The following PHACTR3 variants were observed in gnomAD, a reference collection of about 807,000 sequenced individuals.
The protein encoded by PHACTR3 is phosphatase and actin regulator 3, also known as protein phosphatase 1, regulatory subunit 123.
In PHACTR3, 16 loss-of-function variants were observed where a neutral mutation model predicts 66.8. The observed-to-expected ratio is 0.24, with a 90% CI of 0.16 to 0.36. PHACTR3 has a LOEUF of 0.36. Ranked by LOEUF, PHACTR3 falls within the 10% of genes least tolerant of loss-of-function variation. The probability of loss-of-function intolerance (pLI) is 1.00; values close to 1 mark genes in which losing one functional copy is unlikely to be tolerated. For missense variants in PHACTR3, 647 were observed against 719.9 expected (o/e 0.90, Z 1.16); for synonymous variants, 323 against 292.1 (o/e 1.11, Z -1.08).
chr20:59,773,285 C>T lies in PHACTR3; in HGVS notation c.758C>T (p.Ala253Val). ...SKTTKNVTGQ[A>V]TLFQASSMKS... Reference sequence around the variant, plus strand: ...GCTTCCTCCCACACCCCAGGCCAAGCCACACTCTTCCAAGCCTCCAGCATG... The same window carrying T: ...GCTTCCTCCCACACCCCAGGCCAAGTCACACTCTTCCAAGCCTCCAGCATG... Residue 253 changes from alanine to valine, a missense_variant, in exon 6 of 13, where the codon GCC (alanine) becomes GTC (valine). Physicochemically the swap from Ala to Val is moderately conservative, Grantham distance 64 (BLOSUM62 0). This residue lies in a region of PHACTR3 where 577 missense variants were observed against 571.1 expected (regional missense o/e 1.01). Transcript: ENST00000371015. 1 of 1,613,644 alleles carries T rather than the reference C, an allele frequency of 6.2e-7. No individual in the cohort carries two copies. The highest frequency in any genetic ancestry group is 8.5e-7 in the Non-Finnish European group (1 of 1,179,738).
intron 1 of PHACTR3, among the ~76,000 whole-genome samples, chr20:59,668,308 A>G (rs1242292947): frequency 3.6e-4 from 51 of 142,450 alleles, no homozygotes; most frequent in African/African-American, 1.2e-3. Flanking sequence ...AGGTGGACAT[A>G]TACGCCTGTA....
In PHACTR3 at chr20:59,755,309, G is replaced by A. The variant is rs140524778; in HGVS notation, c.486G>A (p.Thr162=). 66 of 1,612,924 alleles carry A rather than the reference G, an allele frequency of 4.1e-5. No individual in the cohort carries two copies. Among genetic ancestry groups the A allele is most frequent in the Middle Eastern group, 3.3e-4 (2 of 6,062 alleles). ...AQPGSPLATG[T]DQVSLDKPLS... ...CCGGAAGCCCCTTGGCCACTGGGAC[G>A]GACCAGGTCTCCCTGGACAAGCCAC... The change falls in exon 4 of 13, where the codon ACG becomes ACA. Residue 162 remains threonine, a synonymous_variant. Transcript: ENST00000371015.
At chr20:59,648,066 G>T (rs2035342536) in intron 1 of PHACTR3, among the ~76,000 whole-genome samples, 1 of 152,178 alleles carries the variant, frequency 6.6e-6, no homozygotes, top group African/African-American at 2.4e-5. Flanking sequence ...GGCTTTAGTT[G>T]CTGTTGAGAA....
intron 8 of PHACTR3, among the ~76,000 whole-genome samples, chr20:59,831,167 G>A (rs1189871871): frequency 1.3e-5 from 2 of 152,156 alleles, no homozygotes; most frequent in East Asian, 1.9e-4. Flanking sequence ...TTTGGCTGGT[G>A]CCCCCTTGGC....
At chr20:59,680,413 A>G (rs1294197678) in intron 1 of PHACTR3, among the ~76,000 whole-genome samples, 3 of 152,168 alleles carry the variant, frequency 2.0e-5, no homozygotes, top group Non-Finnish European at 2.9e-5. Context: ...GGCAGGCTGG[A>G]CAACATATCC....
At chr20:59,663,136 G>GCATGTCTCTGCACATCCTCTC (rs1296123225) in intron 1 of PHACTR3, among the ~76,000 whole-genome samples, 4 of 152,236 alleles carry the variant, frequency 2.6e-5, no homozygotes, top group Non-Finnish European at 5.9e-5. Context: ...CCTTTACTGT[G>GCATGTCTCTGCACATCCTCTC]CATGTCTCTG....
chr20:59,623,651 A>C (rs1268620762), intron 1 of PHACTR3, among the ~76,000 whole-genome samples: 1 of 152,126 alleles, frequency 6.6e-6, no homozygotes, highest in African/African-American at 2.4e-5. Context: ...ATGAAGTTTG[A>C]AGGATACGTG....
intron 1 of PHACTR3, among the ~76,000 whole-genome samples, chr20:59,656,137 T>C (rs2035612366): frequency 6.6e-6 from 1 of 151,930 alleles, no homozygotes; most frequent in Admixed American, 6.6e-5. Flanking sequence ...TAAAGTGTTC[T>C]ATAGATGTCT....
At chr20:59,821,729 G>C (rs2042031815) in intron 8 of PHACTR3, among the ~76,000 whole-genome samples, 2 of 152,140 alleles carry the variant, frequency 1.3e-5, no homozygotes, top group African/African-American at 4.8e-5. Context: ...TGTCTGTTAG[G>C]TAGCAATGAT....
In PHACTR3 at chr20:59,634,881, A is replaced by G. The variant is rs368143662; in HGVS notation, c.118+29749A>G. ...AATTTTTAAATTTTACTTAGCTGTA[A>G]TTGATTTAAATTTAAATAGCCACCT... On this transcript the variant is annotated intron_variant, in intron 1 of 12. Transcript: ENST00000371015. Among the ~76,000 whole-genome samples, 37 of 152,298 alleles carry G rather than the reference A, an allele frequency of 2.4e-4. No individual in the cohort carries two copies. The South Asian group carries it at 7.7e-3, about 32-fold the overall frequency.
intron 1 of PHACTR3, among the ~76,000 whole-genome samples, chr20:59,646,292 G>T (rs1169107836): frequency 1.3e-5 from 2 of 152,176 alleles, no homozygotes; most frequent in Non-Finnish European, 1.5e-5. Flanking sequence ...TAGCTATTCA[G>T]CAAGGGCTGT....
intron 1 of PHACTR3, among the ~76,000 whole-genome samples, chr20:59,698,576 TA>T (rs2037384671): frequency 6.6e-6 from 1 of 152,226 alleles, no homozygotes; most frequent in African/African-American, 2.4e-5. Flanking sequence ...TAGGTTTTCT[TA>T]ATGTTACTCA....
At chr20:59,622,226 C>T (rs2034269290) in intron 1 of PHACTR3, among the ~76,000 whole-genome samples, 2 of 151,724 alleles carry the variant, frequency 1.3e-5, no homozygotes, top group African/African-American at 4.8e-5. Flanking sequence ...CATGGTGCAT[C>T]CCTCCTGCAG....
intron 1 of PHACTR3, among the ~76,000 whole-genome samples, chr20:59,664,912 G>C (rs1292563538): frequency 6.6e-6 from 1 of 152,138 alleles, no homozygotes; most frequent in African/African-American, 2.4e-5. Context: ...TTGCGGGCTG[G>C]GTGCAGGATT....
intron 1 of PHACTR3, among the ~76,000 whole-genome samples, chr20:59,648,302 G>A (rs2035352232): frequency 6.7e-6 from 1 of 149,524 alleles, no homozygotes; most frequent in Admixed American, 6.7e-5. Flanking sequence ...GGAAGGAGGT[G>A]AGTTTCTCTT....
intron 8 of PHACTR3, among the ~76,000 whole-genome samples, chr20:59,808,911 C>T (rs952762750): frequency 6.6e-6 from 1 of 152,150 alleles, no homozygotes; most frequent in Non-Finnish European, 1.5e-5. Context: ...CAGCATTCCT[C>T]CCGCCTTCCA....
At chr20:59,845,430 C>T (rs2059130468) in intron 12 of PHACTR3, among the ~76,000 whole-genome samples, 165 bp downstream of exon 12, 1 of 152,140 alleles carries the variant, frequency 6.6e-6, no homozygotes, top group African/African-American at 2.4e-5. Context: ...GCTGCCTGCT[C>T]CCATTATTTC....
At chr20:59,676,833 T>G in intron 1 of PHACTR3, 2 of 736,622 alleles carry the variant, frequency 2.7e-6, no homozygotes, top group Middle Eastern at 7.0e-4. Flanking sequence ...GCAGGCTTCT[T>G]AAAGGCAAAG....
At chr20:59,836,944 T>C (rs1308609341) in intron 9 of PHACTR3, among the ~76,000 whole-genome samples, 4 of 152,078 alleles carry the variant, frequency 2.6e-5, no homozygotes, top group African/African-American at 9.7e-5. Flanking sequence ...CCTGTTACAC[T>C]TGGGAGGAAT....
Sources: gnomAD v4.1 joint callset for allele counts (sites outside exome capture counted in the v4.1 genomes callset) on GRCh38, gnomAD v4.1.1 for gene constraint, gnomAD v4.1.1 regional missense constraint, MANE v1.5 for transcripts, NCBI Gene and HGNC (gene_info 2026-07-23, HGNC 2026-07-21) for gene names.